The following PPL variants were observed in gnomAD, a reference collection of about 807,000 sequenced individuals.
PPL encodes the protein periplakin.
PPL carries 198 observed loss-of-function variants against 194.4 expected under a neutral mutation model. The ratio of observed to expected loss-of-function variants is 1.02; its 90% CI spans 0.91 to 1.15. PPL has a LOEUF of 1.15. Among genes scored for constraint, PPL ranks in the 50% most tolerant of loss-of-function variants. PPL has a pLI of 0.00. For missense variants in PPL, 2,885 were observed against 2,294.8 expected (o/e 1.26, Z -5.25); for synonymous variants, 1,220 against 972.4 (o/e 1.25, Z -4.74).
chr16:4,927,655 T>C (rs1365603470), intron 1 of PPL, among the ~76,000 whole-genome samples: 1 of 152,254 alleles, frequency 6.6e-6, no homozygotes, highest in Non-Finnish European at 1.5e-5. Context: ...CTGTGCTAAT[T>C]AGACAGTAAA....
chr16:4,893,913 C>G (rs1347924181), intron 12 of PPL: 10 of 516,090 alleles, frequency 1.9e-5, no homozygotes, highest in South Asian at 8.6e-5. Flanking sequence ...GGAGCATACA[C>G]AGTAGGTGCT....
chr16:4,911,429 T>C (rs2142387376), intron 1 of PPL, among the ~76,000 whole-genome samples: 1 of 152,262 alleles, frequency 6.6e-6, no homozygotes. Flanking sequence ...CCCAAAGTGC[T>C]GGGATTACAG....
At chr16:4,904,490 G>A (rs566413902) in intron 2 of PPL, among the ~76,000 whole-genome samples, 4 of 152,240 alleles carry the variant, frequency 2.6e-5, no homozygotes, top group African/African-American at 4.8e-5. Context: ...GAGGTGGAAC[G>A]AGGGGACCTA....
intron 1 of PPL, among the ~76,000 whole-genome samples, chr16:4,927,843 C>A (rs1882871165): frequency 6.6e-6 from 1 of 152,182 alleles, no homozygotes; most frequent in South Asian, 2.1e-4. Context: ...CTTTTGGGCT[C>A]CTTTTACAAA....
intron 1 of PPL, among the ~76,000 whole-genome samples, chr16:4,934,470 T>C (rs533458824): frequency 1.3e-5 from 2 of 152,112 alleles, no homozygotes; most frequent in South Asian, 4.2e-4. Context: ...CCAGCAGCCC[T>C]ATGCATGAGA....
At position 4,899,018 on chromosome 16, in the gene PPL, T is replaced by A. The variant is rs755556800; in HGVS notation, c.871A>T (p.Ile291Phe). The A allele has an allele frequency of 1.9e-6, 3 of 1,613,428 alleles. No homozygotes were observed. The change falls in exon 8 of 22, where the codon ATT (isoleucine) becomes TTT (phenylalanine). Residue 291 changes from isoleucine to phenylalanine, a missense_variant. Transcript: ENST00000345988. ...LAAEHPGRNS[I>F]EAHMEAVHAD... ...TGGTCTCGGGGTGCATGAACCTCAATGGAGTTCCTCCCGGGGTGCTCGGCC... is the reference window on the plus strand; with the variant it reads ...TGGTCTCGGGGTGCATGAACCTCAAAGGAGTTCCTCCCGGGGTGCTCGGCC...
intron 2 of PPL, among the ~76,000 whole-genome samples, chr16:4,904,864 G>A (rs1301438659): frequency 1.3e-5 from 2 of 152,186 alleles, no homozygotes; most frequent in African/African-American, 2.4e-5. Flanking sequence ...GGTGGCACCA[G>A]CAAGAAGGAA....
chr16:4,884,890 G>T lies in PPL; in HGVS notation c.3765C>A (p.Ile1255=), dbSNP rs775581780. The T allele has an allele frequency of 6.2e-7, 1 of 1,613,978 alleles. No homozygotes were observed. The highest frequency in any genetic ancestry group is 8.5e-7 in the Non-Finnish European group (1 of 1,180,024). Reference sequence around the variant, plus strand: ...TTTCGATCAGTCTGGTCTTGTCCACGATCTCCTCCCTGAGCCGCTGAAGCT... The same window carrying T: ...TTTCGATCAGTCTGGTCTTGTCCACTATCTCCTCCCTGAGCCGCTGAAGCT... The part of the protein sequence containing the change: ...EKELQRLREE[I]VDKTRLIERC... Residue 1255 remains isoleucine, a synonymous_variant, in exon 22 of 22, where the codon ATC becomes ATA. Coordinates refer to ENST00000345988, the MANE Select transcript of PPL (RefSeq NM_002705.5). The surrounding 1 kb of genome is among the most constrained non-coding windows in gnomAD (Gnocchi z 5.7).
rs527382021 is a variant in PPL, at chr16:4,889,852, C to G, written c.2313+332G>C. ...GGCACTGCGTTGGGCATGGGGGAGG[C>G]AGGAGTCCCAACTTTGAAAATGGGA... is the stretch of plus-strand genomic sequence containing the variant. On this transcript the variant is annotated intron_variant, in intron 18 of 21. Transcript: ENST00000345988. Among the ~76,000 whole-genome samples, 224 of 152,320 alleles carry G rather than the reference C, an allele frequency of 1.5e-3. 1 individual carries two copies. Among genetic ancestry groups the G allele is most frequent in the African/African-American group, 5.2e-3 (217 of 41,574 alleles).
intron 1 of PPL, among the ~76,000 whole-genome samples, chr16:4,911,308 T>A (rs1331071828): frequency 1.3e-5 from 2 of 151,870 alleles, no homozygotes; most frequent in African/African-American, 4.8e-5. Flanking sequence ...ATTACAAGCA[T>A]GCACCACCAA....
Position 4,884,624 on chromosome 16 carries a change from G to T in PPL, c.4031C>A (p.Ser1344Ter), listed in dbSNP as rs781467396. The T allele has an allele frequency of 1.9e-6, 3 of 1,613,940 alleles. No individual in the cohort carries two copies. Among genetic ancestry groups the T allele is most frequent in the Admixed American group, 1.7e-5 (1 of 60,008 alleles). Residue 1344 changes from serine (S) to a stop codon, truncating the protein, a stop_gained, in exon 22 of 22, where the codon TCG (serine) becomes TAG (stop). Transcript: ENST00000345988. LOFTEE classifies it high-confidence loss of function. The surrounding 1 kb of genome is among the most constrained non-coding windows in gnomAD (Gnocchi z 5.7). ...EQIARKEEEL[S>*]RVKERVVQQE... Reference sequence around the variant, plus strand: ...CTGCACCACCCTTTCCTTCACCCGCGAGAGCTCCTCCTCTTTCCGGGCGAT... The same window carrying T: ...CTGCACCACCCTTTCCTTCACCCGCTAGAGCTCCTCCTCTTTCCGGGCGAT...
intron 3 of PPL, among the ~76,000 whole-genome samples, chr16:4,903,397 G>A (rs2088615916): frequency 6.6e-6 from 1 of 152,158 alleles, no homozygotes; most frequent in Admixed American, 6.5e-5. Context: ...CTGCAAAATA[G>A]GGTCATCAAG....
At position 4,884,843 on chromosome 16, in the gene PPL, T is replaced by C. The variant is rs1418625261; in HGVS notation, c.3812A>G (p.Gln1271Arg). The C allele has an allele frequency of 1.2e-6, 2 of 1,614,188 alleles. No individual in the cohort carries two copies. Among genetic ancestry groups the C allele is most frequent in the Non-Finnish European group, 1.7e-6 (2 of 1,180,030 alleles). The change falls in exon 22 of 22, where the codon CAG (glutamine) becomes CGG (arginine). Residue 1271 changes from glutamine to arginine, a missense_variant. Coordinates refer to ENST00000345988, the MANE Select transcript of PPL (RefSeq NM_002705.5). This position sits in a 1 kb window ranked among gnomAD's most constrained non-coding sequence, Gnocchi z 5.7. ...CAGGGCCTGGATTTCCTTTTTCAGC[T>C]GGTAGATCTCTAAATCACACCTTTC... ...LIERCDLEIY[Q>R]LKKEIQALKD...
In PPL at chr16:4,884,869, G is replaced by C. The variant is rs369389969; in HGVS notation, c.3786C>G (p.Ile1262Met). The change falls in exon 22 of 22, where the codon ATC becomes ATG. Residue 1262 changes from isoleucine to methionine, a missense_variant. Coordinates refer to ENST00000345988, the MANE Select transcript of PPL (RefSeq NM_002705.5). The surrounding 1 kb of genome is among the most constrained non-coding windows in gnomAD (Gnocchi z 5.7). ...REEIVDKTRL[I>M]ERCDLEIYQL... ...GGTAGATCTCTAAATCACACCTTTC[G>C]ATCAGTCTGGTCTTGTCCACGATCT... is the stretch of plus-strand genomic sequence containing the variant. The C allele has an allele frequency of 1.2e-6, 2 of 1,613,928 alleles. No individual in the cohort carries two copies. Among genetic ancestry groups the C allele is most frequent in the Non-Finnish European group, 1.7e-6 (2 of 1,179,996 alleles).
intron 1 of PPL, among the ~76,000 whole-genome samples, chr16:4,916,097 T>C (rs1227011162): frequency 6.6e-6 from 1 of 152,246 alleles, no homozygotes; most frequent in Non-Finnish European, 1.5e-5. Flanking sequence ...CGTGCCTTGC[T>C]AGTGGGGATG....
In PPL at chr16:4,902,217, T is replaced by C. The variant is rs1406666932; in HGVS notation, c.438+189A>G. ...CCGAATCTCCACCGCTTGAGCTGTG[T>C]GACCCTGACTTCGTGCTGCACTTCT... On this transcript the variant is annotated intron_variant, in intron 4 of 21. Coordinates refer to ENST00000345988, the MANE Select transcript of PPL (RefSeq NM_002705.5). The surrounding 1 kb of genome is among the most constrained non-coding windows in gnomAD (Gnocchi z 4.0). Among the ~76,000 whole-genome samples the C allele has an allele frequency of 6.6e-6, 1 of 152,210 alleles. No individual in the cohort carries two copies. Among genetic ancestry groups the C allele is most frequent in the East Asian group, 1.9e-4 (1 of 5,192 alleles).
In PPL at chr16:4,884,755, T is replaced by G. The variant is rs767387383; in HGVS notation, c.3900A>C (p.Glu1300Asp). 50 of 1,614,204 alleles carry G rather than the reference T, an allele frequency of 3.1e-5. No homozygotes were observed. The East Asian group carries it at 9.6e-4, about 31-fold the overall frequency. The change falls in exon 22 of 22, where the codon GAA becomes GAC. Residue 1300 changes from glutamate (E) to aspartate (D), a missense_variant. By Grantham distance (45) the Glu-to-Asp change is conservative. Coordinates refer to ENST00000345988, the MANE Select transcript of PPL (RefSeq NM_002705.5). The surrounding 1 kb of genome is among the most constrained non-coding windows in gnomAD (Gnocchi z 5.7). The part of the protein sequence containing the change: ...EVVQEILQFQ[E>D]DPQTKEEVAS... The stretch of plus-strand genomic sequence containing the variant: ...CCACCTCCTCCTTGGTTTGAGGGTC[T>G]TCTTGGAATTGGAGGATCTCCTGGA...
intron 8 of PPL, 107 bp downstream of exon 8, chr16:4,898,906 T>C (rs1487589133): frequency 2.4e-6 from 2 of 822,090 alleles, no homozygotes; most frequent in African/African-American, 1.7e-5. Context: ...AAGATGCAGC[T>C]TGCAGGACCC....
At chr16:4,916,567 G>C (rs570738264) in intron 1 of PPL, among the ~76,000 whole-genome samples, 1 of 152,030 alleles carries the variant, frequency 6.6e-6, no homozygotes, top group East Asian at 1.9e-4. Flanking sequence ...CTGCAGTGGT[G>C]CAATCTTAGC....
Sources: gnomAD v4.1 joint callset for allele counts (sites outside exome capture counted in the v4.1 genomes callset) on GRCh38, gnomAD v4.1.1 for gene constraint, Gnocchi (gnomAD v3.1) non-coding constraint, MANE v1.5 for transcripts, NCBI Gene and HGNC (gene_info 2026-07-23, HGNC 2026-07-21) for gene names.